Variants in SLC39A11 observed in about 807,000 individuals in gnomAD.
SLC39A11 encodes the protein solute carrier family 39 member 11, also known as zinc transporter ZIP11.
A neutral mutation model predicts 36.1 loss-of-function variants in SLC39A11; 33 were observed. The observed-to-expected ratio is 0.91, with a 90% confidence interval of 0.69 to 1.22. The LOEUF (loss-of-function observed/expected upper bound fraction) is 1.22. Ranked by LOEUF, SLC39A11 falls within the 50% of genes most tolerant of loss-of-function variation. The pLI, the probability that SLC39A11 is intolerant of heterozygous loss-of-function variation, is 0.00. For missense variants in SLC39A11, 432 were observed against 430.3 expected, an observed-to-expected ratio of 1.00 and a Z score of -0.03; for synonymous variants, 166 against 170.3, an observed-to-expected ratio of 0.97 and a Z score of 0.20.
At chr17:72,785,959 C>A (rs1232315912) in intron 6 of SLC39A11, among the ~76,000 whole-genome samples, 2 of 152,072 alleles carry the variant, frequency 1.3e-5, no homozygotes, top group African/African-American at 4.8e-5. Flanking sequence ...TTTGATTGGC[C>A]AAGCCCACCC....
intron 6 of SLC39A11, among the ~76,000 whole-genome samples, chr17:72,830,522 C>A (rs1245381845): frequency 1.3e-5 from 2 of 152,188 alleles, no homozygotes; most frequent in African/African-American, 4.8e-5. Context: ...TTCTGTCCAG[C>A]AACCTGAACA....
At chr17:72,720,226 G>C (rs564867208) in intron 7 of SLC39A11, among the ~76,000 whole-genome samples, 88 of 152,336 alleles carry the variant, frequency 5.8e-4, no homozygotes, top group African/African-American at 1.6e-3. Context: ...GGGCTCATGA[G>C]CATGCACAGT....
chr17:72,967,399 A>AGAGTGTGTGT (rs143987646), intron 4 of SLC39A11, among the ~76,000 whole-genome samples: 1 of 138,276 alleles, frequency 7.2e-6, no homozygotes, highest in African/African-American at 2.8e-5. Flanking sequence ...AGAGAGAGAG[A>AGAGTGTGTGT]GTGTGTGTGT....
At chr17:72,798,957 G>A (rs564376398) in intron 6 of SLC39A11, among the ~76,000 whole-genome samples, 24 of 151,680 alleles carry the variant, frequency 1.6e-4, no homozygotes, top group Non-Finnish European at 2.9e-4. Context: ...ATCTGAGAGG[G>A]CACAAGAAGG....
At chr17:72,861,688 T>TA (rs1555605494) in intron 5 of SLC39A11, among the ~76,000 whole-genome samples, 33 of 88,782 alleles carry the variant, frequency 3.7e-4, no homozygotes, top group African/African-American at 1.2e-3. Flanking sequence ...TATATATATA[T>TA]AAAATATATA....
At chr17:72,853,300 T>C (rs1567826523) in intron 5 of SLC39A11, among the ~76,000 whole-genome samples, 1 of 151,918 alleles carries the variant, frequency 6.6e-6, no homozygotes, top group Admixed American at 6.6e-5. Flanking sequence ...AGTGCTAGGA[T>C]TATAGGTATG....
intron 7 of SLC39A11, among the ~76,000 whole-genome samples, chr17:72,693,758 A>G (rs147007713): frequency 0.021 from 3,231 of 152,172 alleles, 41 homozygotes; most frequent in Non-Finnish European, 0.031. Context: ...TGCCTCCCAG[A>G]TTCAAGCGAT....
At chr17:73,030,224 T>C (rs1355550394) in intron 4 of SLC39A11, among the ~76,000 whole-genome samples, 1 of 152,162 alleles carries the variant, frequency 6.6e-6, no homozygotes, top group Non-Finnish European at 1.5e-5. Flanking sequence ...GCCCAGCTCC[T>C]AACAAGCCAT....
intron 6 of SLC39A11, among the ~76,000 whole-genome samples, chr17:72,773,679 C>T (rs2435976): frequency 1.4e-5 from 2 of 145,724 alleles, no homozygotes; most frequent in Admixed American, 1.4e-4. Flanking sequence ...ACACACACAC[C>T]CAGTATATAA....
At chr17:72,709,475 T>C (rs553790155) in intron 7 of SLC39A11, among the ~76,000 whole-genome samples, 19 of 152,338 alleles carry the variant, frequency 1.2e-4, no homozygotes, top group African/African-American at 4.3e-4. Flanking sequence ...ATGTATAGGC[T>C]GCTCTTTCAC....
intron 4 of SLC39A11, among the ~76,000 whole-genome samples, chr17:72,963,033 C>T (rs904885129): frequency 2.0e-5 from 3 of 152,272 alleles, no homozygotes; most frequent in African/African-American, 7.2e-5. Flanking sequence ...CAGGCCCACC[C>T]AGGATAATCT....
intron 5 of SLC39A11, among the ~76,000 whole-genome samples, chr17:72,888,013 A>G (rs1410154594): frequency 6.6e-6 from 1 of 152,212 alleles, no homozygotes; most frequent in Non-Finnish European, 1.5e-5. Flanking sequence ...CTCACACTCA[A>G]GTCATTATTT....
intron 5 of SLC39A11, among the ~76,000 whole-genome samples, chr17:72,860,712 G>A (rs1567840064): frequency 6.6e-6 from 1 of 152,138 alleles, no homozygotes; most frequent in Non-Finnish European, 1.5e-5. Context: ...TTGACAAGGA[G>A]GACTATCGGT....
intron 6 of SLC39A11, among the ~76,000 whole-genome samples, chr17:72,796,822 G>A (rs1364994468): frequency 2.6e-5 from 4 of 152,232 alleles, no homozygotes; most frequent in African/African-American, 4.8e-5. Flanking sequence ...TGACATGCTC[G>A]ATACTGTGAA....
chr17:73,035,294 C>A (rs2058867637), intron 3 of SLC39A11, among the ~76,000 whole-genome samples: 2 of 152,222 alleles, frequency 1.3e-5, no homozygotes, highest in South Asian at 2.1e-4. Flanking sequence ...GCATGAGCCA[C>A]CACGCCCAGC....
intron 5 of SLC39A11, among the ~76,000 whole-genome samples, chr17:72,885,532 C>T (rs1249953683): frequency 6.6e-6 from 1 of 152,138 alleles, no homozygotes; most frequent in Non-Finnish European, 1.5e-5. Context: ...CTGTCCTGTG[C>T]ACCATCTCAA....
chr17:72,947,632 G>T, intron 5 of SLC39A11, 120 bp downstream of exon 5: 1 of 1,432,670 alleles, frequency 7.0e-7, no homozygotes, highest in Non-Finnish European at 9.7e-7. Flanking sequence ...GATTCGGAGG[G>T]ATAGGACAGT....
intron 4 of SLC39A11, among the ~76,000 whole-genome samples, chr17:72,984,128 A>C (rs995346356): frequency 1.3e-5 from 2 of 152,078 alleles, no homozygotes; most frequent in African/African-American, 4.8e-5. Flanking sequence ...TGAAATAGAG[A>C]AACAGGAGGC....
At chr17:72,846,154 C>G (rs1211365818) in intron 6 of SLC39A11, among the ~76,000 whole-genome samples, 1 of 151,124 alleles carries the variant, frequency 6.6e-6, no homozygotes, top group Non-Finnish European at 1.5e-5. Context: ...CTCAGCCTCC[C>G]AAGTAGCTGG....
Sources: allele counts gnomAD v4.1 joint callset (sites outside exome capture counted in the v4.1 genomes callset), GRCh38; gene constraint gnomAD v4.1.1; transcripts MANE v1.5; gene names NCBI Gene and HGNC (gene_info 2026-07-23, HGNC 2026-07-21).